DTNB: variants seen among roughly 807,000 people sequenced by gnomAD.
DTNB encodes dystrobrevin beta, also known as DTN-B.
DTNB carries 63 observed loss-of-function variants against 90.7 expected under a neutral mutation model. The observed-to-expected ratio is 0.69, with a 90% CI of 0.57 to 0.86. The LOEUF is 0.86. Ranked by LOEUF, DTNB falls within the 40% of genes least tolerant of loss-of-function variation. The pLI, the probability that DTNB is intolerant of heterozygous loss-of-function variation, is 0.00. For synonymous variants in DTNB, 277 were observed against 286.7 expected (o/e 0.97, Z 0.34); for missense variants, 744 against 807.1 (o/e 0.92, Z 0.95).
intron 4 of DTNB, among the ~76,000 whole-genome samples, chr2:25,609,602 A>AAC (rs2067981771): frequency 6.6e-6 from 1 of 151,156 alleles, no homozygotes; most frequent in Non-Finnish European, 1.5e-5. Context: ...TTTCAAAAAA[A>AAC]AAAAAAAAAC....
At chr2:25,559,132 A>G (rs2057844386) in intron 8 of DTNB, among the ~76,000 whole-genome samples, 3 of 152,178 alleles carry the variant, frequency 2.0e-5, no homozygotes, top group Admixed American at 2.0e-4. Flanking sequence ...TTTAAAAATA[A>G]GAAATCCAAG....
At chr2:25,593,868 T>C (rs1216433068) in intron 6 of DTNB, among the ~76,000 whole-genome samples, 2 of 152,226 alleles carry the variant, frequency 1.3e-5, no homozygotes, top group Non-Finnish European at 2.9e-5. Flanking sequence ...GAGTTCTTTG[T>C]ACAAATTCCC....
At position 25,652,915 on chromosome 2, in the gene DTNB, G is replaced by A. The variant is rs534544711; in HGVS notation, c.-1-254C>T. ...TTGCTTACTGTGCTAAAAATATGGG[G>A]CTGACTTACTTCTAACTTTGATTAT... On this transcript the variant is annotated intron_variant, in intron 1 of 20. Coordinates refer to ENST00000406818, the MANE Select transcript of DTNB (RefSeq NM_021907.5). 4.6e-5 allele frequency: 15 copies of A among 326,790 alleles called. No homozygotes were observed. In the East Asian group the frequency reaches 6.8e-4, roughly 15 times the overall value. The allele number at this position is 326,790 out of a possible 1,614,324, so 20.2% of individuals were successfully genotyped here.
chr2:25,504,444 G>A (rs1389486532), intron 9 of DTNB, among the ~76,000 whole-genome samples: 1 of 145,528 alleles, frequency 6.9e-6, no homozygotes, highest in Non-Finnish European at 1.5e-5. Flanking sequence ...AGGAAAGAGA[G>A]AAGGAAAGAA....
chr2:25,589,362 C>CTT (rs1256307185), intron 6 of DTNB, among the ~76,000 whole-genome samples: 3 of 61,510 alleles, frequency 4.9e-5, no homozygotes, highest in East Asian at 4.7e-4. Context: ...GTTTCTTTTT[C>CTT]TTTTCTTTTT....
intron 16 of DTNB, among the ~76,000 whole-genome samples, chr2:25,401,575 G>T (rs1174454242): frequency 6.6e-6 from 1 of 152,194 alleles, no homozygotes; most frequent in African/African-American, 2.4e-5. Context: ...CATGATGCCT[G>T]GCACTTAGTA....
At chr2:25,636,308 G>C (rs6756654) in intron 3 of DTNB, among the ~76,000 whole-genome samples, 66,641 of 151,964 alleles carry the variant, frequency 0.44, 15,799 homozygotes, top group East Asian at 0.77. Flanking sequence ...CTTGAAAACT[G>C]ACTACTACTT....
chr2:25,583,571 C>T (rs976153443), intron 6 of DTNB, among the ~76,000 whole-genome samples: 1 of 151,554 alleles, frequency 6.6e-6, no homozygotes, highest in Non-Finnish European at 1.5e-5. Flanking sequence ...GGCTGGAGTG[C>T]AGTGCAGTGG....
chr2:25,600,243 C>T (rs1404714670), intron 5 of DTNB, among the ~76,000 whole-genome samples: 1 of 152,242 alleles, frequency 6.6e-6, no homozygotes, highest in Non-Finnish European at 1.5e-5. Flanking sequence ...CTAGCTGAGC[C>T]CGACTGCTGG....
intron 16 of DTNB, among the ~76,000 whole-genome samples, chr2:25,396,754 A>AG (rs56326201): frequency 5.6e-5 from 8 of 144,098 alleles, no homozygotes; most frequent in African/African-American, 2.0e-4. Flanking sequence ...AAAAAAAAAA[A>AG]GACTGGTGCT....
At chr2:25,508,232 C>T (rs916820823) in intron 9 of DTNB, among the ~76,000 whole-genome samples, 1 of 152,092 alleles carries the variant, frequency 6.6e-6, no homozygotes, top group African/African-American at 2.4e-5. Context: ...AGGCCTGGAA[C>T]ATATTAAGTG....
At chr2:25,526,393 A>T (rs57785134) in intron 9 of DTNB, among the ~76,000 whole-genome samples, 5,241 of 59,156 alleles carry the variant, frequency 0.089, 229 homozygotes, top group African/African-American at 0.16. Context: ...ATATATATAT[A>T]TATTTTTTTT....
chr2:25,634,846 T>G (rs1189662571), intron 3 of DTNB, among the ~76,000 whole-genome samples: 1 of 110,462 alleles, frequency 9.1e-6, no homozygotes, highest in Non-Finnish European at 2.1e-5. Flanking sequence ...GTTAAACAGA[T>G]GCTTGAAGGC....
intron 9 of DTNB, among the ~76,000 whole-genome samples, chr2:25,486,748 A>G (rs1363949588): frequency 6.6e-6 from 1 of 152,224 alleles, no homozygotes; most frequent in East Asian, 1.9e-4. Context: ...GGTGTAAAGC[A>G]GACATTAATG....
intron 6 of DTNB, among the ~76,000 whole-genome samples, chr2:25,583,676 C>G (rs972228789): frequency 1.3e-5 from 2 of 151,978 alleles, no homozygotes; most frequent in African/African-American, 2.4e-5. Flanking sequence ...CATGCGCCAC[C>G]ACGCCCAGCT....
rs565117099 is a variant in DTNB, at chr2:25,627,840, A to C, written c.362+331T>G. On this transcript the variant is annotated intron_variant, in intron 4 of 20. Transcript: ENST00000406818. ...CAACCTCTGCCTCCTGGGTTCAAGC[A>C]ATTCTCCTGCCTCAGCCTCCTAAGT... Among the ~76,000 whole-genome samples the C allele has an allele frequency of 4.0e-4, 60 of 151,322 alleles. 1 individual carries two copies. The East Asian group carries it at 8.4e-3, about 21-fold the overall frequency.
intron 9 of DTNB, among the ~76,000 whole-genome samples, chr2:25,510,054 A>C (rs985180001): frequency 2.0e-5 from 3 of 151,930 alleles, no homozygotes; most frequent in African/African-American, 7.2e-5. Context: ...CCCGGCCTAG[A>C]TTCTTAATTA....
chr2:25,500,349 G>C (rs1226157239), intron 9 of DTNB, among the ~76,000 whole-genome samples: 7 of 152,156 alleles, frequency 4.6e-5, no homozygotes, highest in Non-Finnish European at 7.3e-5. Flanking sequence ...AGCCATTTGG[G>C]ATAGCAAAAA....
At chr2:25,667,253 C>T (rs552259948) in intron 1 of DTNB, among the ~76,000 whole-genome samples, 2 of 152,166 alleles carry the variant, frequency 1.3e-5, no homozygotes, top group East Asian at 3.9e-4. Context: ...CTTTGGGAGG[C>T]TGTGGCAGGC....
Sources: allele counts gnomAD v4.1 joint callset (sites outside exome capture counted in the v4.1 genomes callset), GRCh38; gene constraint gnomAD v4.1.1; transcripts MANE v1.5; gene names NCBI Gene and HGNC (gene_info 2026-07-23, HGNC 2026-07-21).